TNS1: variants seen among roughly 807,000 people sequenced by gnomAD.
The protein encoded by TNS1 is tensin 1.
In TNS1, 62 loss-of-function variants were observed where a neutral mutation model predicts 168.6. The ratio of observed to expected loss-of-function variants is 0.37; its 90% CI spans 0.30 to 0.45. The LOEUF is 0.45. TNS1 is among the 20% of genes least tolerant of loss of function. The probability of loss-of-function intolerance (pLI) is 1.00; values close to 1 mark genes in which losing one functional copy is unlikely to be tolerated. For missense variants in TNS1, 2,240 were observed against 2,339.4 expected, an observed-to-expected ratio of 0.96 and a Z score of 0.88; for synonymous variants, 934 against 933.2, an observed-to-expected ratio of 1.00 and a Z score of -0.02.
chr2:217,837,292 G>A (rs927486341), intron 19 of TNS1, among the ~76,000 whole-genome samples: 1 of 152,188 alleles, frequency 6.6e-6, no homozygotes, highest in African/African-American at 2.4e-5. Flanking sequence ...CATTCAGACA[G>A]AAACATCTTC....
upstream of TNS1, among the ~76,000 whole-genome samples, chr2:218,014,813 T>TA (rs1348369032): frequency 5.3e-5 from 8 of 150,424 alleles, no homozygotes; most frequent in African/African-American, 2.0e-4. Context: ...TACCTGCAGG[T>TA]GGCCCATAAT....
intron 2 of TNS1, among the ~76,000 whole-genome samples, chr2:217,984,021 T>G (rs1482667848): frequency 6.6e-6 from 1 of 152,102 alleles, no homozygotes; most frequent in African/African-American, 2.4e-5. Flanking sequence ...TCCAATCAGT[T>G]GAAGGCCTTA....
rs1272346872 is a variant in TNS1, at chr2:217,906,486, A to G, written c.271-101T>C. ...GAGCGGCAGATGAGGAGGTTGGCAG[A>G]GGGGCCTGGGAAAGAACTTTGGTCT... On this transcript the variant is annotated intron_variant, in intron 5 of 32. Coordinates refer to ENST00000682258, the MANE Select transcript of TNS1 (RefSeq NM_001387777.1). 6 of 684,594 alleles carry G rather than the reference A, an allele frequency of 8.8e-6. No individual in the cohort carries two copies. The African/African-American group carries it at 1.1e-4, about 12-fold the overall frequency. The allele number at this position is 684,594 out of a possible 1,614,324, so 42.4% of individuals were successfully genotyped here.
intron 12 of TNS1, chr2:217,890,385 A>AG (rs1951620981): frequency 6.6e-6 from 1 of 152,556 alleles, no homozygotes; most frequent in Non-Finnish European, 1.5e-5. Flanking sequence ...TTTCCTGTTC[A>AG]CCCAGATATC....
chr2:217,905,486 G>A lies in TNS1; in HGVS notation c.321+849C>T, dbSNP rs764096764. 12 of 339,142 alleles carry A rather than the reference G, an allele frequency of 3.5e-5. 1 individual carries two copies. Among genetic ancestry groups the A allele is most frequent in the South Asian group, 1.5e-4 (7 of 45,836 alleles). 21.0% of individuals were successfully genotyped at this position (339,142 alleles called of 1,614,324 possible). A position where few individuals can be genotyped will look rare whatever the true frequency, so the allele number is the denominator to read the frequency against. ...TATAGGAACTGCCCCTCCTGCTCCC[G>A]CAGCACTCCCTCCAGGGCCCTCCCC... On this transcript the variant is annotated intron_variant, in intron 6 of 32. Transcript: ENST00000682258.
intron 18 of TNS1, among the ~76,000 whole-genome samples, chr2:217,856,672 T>C (rs773533448): frequency 2.8e-4 from 42 of 152,022 alleles, no homozygotes; most frequent in Non-Finnish European, 4.3e-4. Flanking sequence ...TGGGAACACG[T>C]AAAAAGATTT....
At chr2:217,810,404 T>C in intron 28 of TNS1, 85 bp from the exon 29 acceptor site, 6 of 1,326,298 alleles carry the variant, frequency 4.5e-6, no homozygotes, top group Non-Finnish European at 6.5e-6. Context: ...GCTCTGCAAC[T>C]CTTTGGCAGA....
At chr2:217,827,127 T>C (rs1191898642) in intron 22 of TNS1, among the ~76,000 whole-genome samples, 1 of 152,084 alleles carries the variant, frequency 6.6e-6, no homozygotes, top group Admixed American at 6.5e-5. Context: ...TATTGAAATG[T>C]CTGTTGGCAT....
rs183970032 is a variant in TNS1, at chr2:217,993,736, C to T, written c.34-2680G>A. On this transcript the variant is annotated intron_variant, in intron 1 of 32. Coordinates refer to ENST00000682258, the MANE Select transcript of TNS1 (RefSeq NM_001387777.1). ...GACCACTGGCGGGACTTCCCTGGGTCTAGACTGAATGGTATTAAAGTATCC... is the reference window on the plus strand; with the variant it reads ...GACCACTGGCGGGACTTCCCTGGGTTTAGACTGAATGGTATTAAAGTATCC... 8.5e-5 allele frequency among the ~76,000 whole-genome samples: 13 copies of T among 152,256 alleles called. No homozygotes were observed. The East Asian group carries it at 2.3e-3, about 27-fold the overall frequency.
intron 3 of TNS1, among the ~76,000 whole-genome samples, chr2:217,933,571 G>A (rs558372598): frequency 6.6e-6 from 1 of 152,290 alleles, no homozygotes; most frequent in South Asian, 2.1e-4. Flanking sequence ...AAGCCAGAAG[G>A]GGAAAGGAGC....
chr2:217,860,051 C>T (rs558057135), intron 18 of TNS1, among the ~76,000 whole-genome samples: 10 of 152,266 alleles, frequency 6.6e-5, no homozygotes, highest in African/African-American at 2.2e-4. Context: ...AGTTTGCAAC[C>T]CCAAAATGCT....
In TNS1 at chr2:217,835,125, C is replaced by T. The variant is rs1326350625; in HGVS notation, c.3246G>A (p.Glu1082=). The T allele has an allele frequency of 5.0e-6, 8 of 1,589,372 alleles. No homozygotes were observed. The highest frequency in any genetic ancestry group is 6.0e-6 in the Non-Finnish European group (7 of 1,171,448). The part of the protein sequence containing the change: ...HSYKEAFEEM[E]GTSPSSPPPS... Reference sequence around the variant, plus strand: ...GTGGTGGGCTGCTCGGGGAGGTTCCCTCCATCTCCTCGAAGGCCTCCTTGT... The same window carrying T: ...GTGGTGGGCTGCTCGGGGAGGTTCCTTCCATCTCCTCGAAGGCCTCCTTGT... Residue 1082 remains glutamate (E), a synonymous_variant, in exon 21 of 33, where the codon GAG becomes GAA. Coordinates refer to ENST00000682258, the MANE Select transcript of TNS1 (RefSeq NM_001387777.1).
intron 18 of TNS1, among the ~76,000 whole-genome samples, chr2:217,878,915 C>G (rs1020472177): frequency 1.3e-5 from 2 of 152,230 alleles, no homozygotes; most frequent in Non-Finnish European, 2.9e-5. Context: ...CTTCTGCCCC[C>G]TCGCCCTTCC....
At chr2:217,950,035 C>T (rs968058209) in intron 3 of TNS1, among the ~76,000 whole-genome samples, 1 of 152,098 alleles carries the variant, frequency 6.6e-6, no homozygotes, top group East Asian at 1.9e-4. Flanking sequence ...AGCATCTAGA[C>T]CAAAGGAGAT....
At chr2:218,007,600 G>A (rs1198248390), upstream of TNS1, among the ~76,000 whole-genome samples, 1 of 150,776 alleles carries the variant, frequency 6.6e-6, no homozygotes, top group Non-Finnish European at 1.5e-5. Context: ...TTGCTTGGCA[G>A]GAGAGAGTGG....
intron 1 of TNS1, among the ~76,000 whole-genome samples, chr2:218,024,139 G>T (rs537147716): frequency 6.6e-6 from 1 of 152,222 alleles, no homozygotes; most frequent in South Asian, 2.1e-4. Flanking sequence ...TAAGCAGTTT[G>T]CCCAGGGCAC....
intron 12 of TNS1, among the ~76,000 whole-genome samples, chr2:217,886,873 C>T (rs2125680860): frequency 6.6e-6 from 1 of 152,276 alleles, no homozygotes; most frequent in Admixed American, 6.5e-5. Context: ...AGAGCTGGGT[C>T]AAGTCAAGCA....
At chr2:217,936,577 C>T (rs1379752459) in intron 3 of TNS1, among the ~76,000 whole-genome samples, 3 of 152,214 alleles carry the variant, frequency 2.0e-5, no homozygotes, top group Non-Finnish European at 2.9e-5. Context: ...TGGCTTGAGG[C>T]CTGCCCCTAG....
intron 22 of TNS1, among the ~76,000 whole-genome samples, chr2:217,826,689 C>G (rs1054101474): frequency 2.0e-5 from 3 of 152,206 alleles, no homozygotes; most frequent in Non-Finnish European, 4.4e-5. Context: ...TCCCTCCAAT[C>G]CTGGAGCAGC....
Sources: gnomAD v4.1 joint callset for allele counts (sites outside exome capture counted in the v4.1 genomes callset) on GRCh38, gnomAD v4.1.1 for gene constraint, MANE v1.5 for transcripts, NCBI Gene and HGNC (gene_info 2026-07-23, HGNC 2026-07-21) for gene names.